The following UST variants were observed in gnomAD, a reference collection of about 807,000 sequenced individuals.
UST encodes chondroitin sulfate 2-O-sulfotransferase.
A neutral mutation model predicts 45.6 loss-of-function variants in UST; 21 were observed. The ratio of observed to expected loss-of-function variants is 0.46; its 90% CI spans 0.33 to 0.66. UST has a LOEUF of 0.66. UST is among the 30% of genes least tolerant of loss of function. The pLI is 0.02. For synonymous variants in UST, 215 were observed against 200.6 expected, an observed-to-expected ratio of 1.07 and a Z score of -0.61; for missense variants, 463 against 512.4, an observed-to-expected ratio of 0.90 and a Z score of 0.93.
At chr6:148,747,901 G>C (rs1166279793) in intron 1 of UST, among the ~76,000 whole-genome samples, 3 of 152,154 alleles carry the variant, frequency 2.0e-5, no homozygotes, top group African/African-American at 7.2e-5. Flanking sequence ...GGGTTGCGCT[G>C]CCGGCAGGTA....
At chr6:148,886,857 C>G in intron 1 of UST, 129 bp from the exon 2 acceptor site, 1 of 765,522 alleles carries the variant, frequency 1.3e-6, no homozygotes, top group Non-Finnish European at 2.3e-6. Flanking sequence ...ATTAATTCCC[C>G]ATTTTTCTTT....
At chr6:149,028,136 G>A (rs1004694708) in intron 7 of UST, among the ~76,000 whole-genome samples, 3 of 152,078 alleles carry the variant, frequency 2.0e-5, no homozygotes, top group African/African-American at 2.4e-5. Context: ...GATCCACCGC[G>A]CCCGGCCTAG....
At chr6:148,850,951 A>T (rs1354696888) in intron 1 of UST, among the ~76,000 whole-genome samples, 1 of 152,216 alleles carries the variant, frequency 6.6e-6, no homozygotes, top group Non-Finnish European at 1.5e-5. Context: ...AGAGCAAAGC[A>T]TCAGAACCCC....
At chr6:148,896,501 G>A (rs571647265) in intron 2 of UST, among the ~76,000 whole-genome samples, 45 of 152,290 alleles carry the variant, frequency 3.0e-4, no homozygotes, top group African/African-American at 9.6e-4. Flanking sequence ...AAGAACATGC[G>A]ATGTGGTAAA....
intron 7 of UST, among the ~76,000 whole-genome samples, chr6:149,059,256 G>A (rs947272837): frequency 6.6e-6 from 1 of 152,222 alleles, no homozygotes; most frequent in Non-Finnish European, 1.5e-5. Context: ...TGAGGGTGAG[G>A]TTGGGAGGCT....
At chr6:148,835,227 A>G (rs1777764707) in intron 1 of UST, among the ~76,000 whole-genome samples, 1 of 152,234 alleles carries the variant, frequency 6.6e-6, no homozygotes, top group African/African-American at 2.4e-5. Flanking sequence ...TGTATTTAGT[A>G]CTATAAGTAA....
At chr6:149,045,472 A>G (rs1225228972) in intron 7 of UST, among the ~76,000 whole-genome samples, 1 of 152,206 alleles carries the variant, frequency 6.6e-6, no homozygotes, top group African/African-American at 2.4e-5. Context: ...TTGAGCCCAG[A>G]TGATGTGCCC....
chr6:148,856,952 A>G (rs1246457943), intron 1 of UST, among the ~76,000 whole-genome samples: 1 of 149,234 alleles, frequency 6.7e-6, no homozygotes, highest in African/African-American at 2.4e-5. Context: ...TGTGATATAT[A>G]TATTACATTA....
chr6:148,872,453 C>T (rs1778576230), intron 1 of UST, among the ~76,000 whole-genome samples: 1 of 143,854 alleles, frequency 7.0e-6, no homozygotes, highest in Admixed American at 6.7e-5. Context: ...GAGTGATGAC[C>T]TCTCTTCGGA....
At chr6:148,824,740 A>C (rs1271690840) in intron 1 of UST, among the ~76,000 whole-genome samples, 1 of 139,878 alleles carries the variant, frequency 7.1e-6, no homozygotes, top group Non-Finnish European at 1.5e-5. Flanking sequence ...CAGGTTAGTT[A>C]CATATGTATA....
At chr6:148,815,073 A>G (rs566361724) in intron 1 of UST, among the ~76,000 whole-genome samples, 2 of 152,380 alleles carry the variant, frequency 1.3e-5, no homozygotes, top group African/African-American at 2.4e-5. Context: ...TATCCACACA[A>G]TGGAATACTA....
intron 7 of UST, among the ~76,000 whole-genome samples, chr6:149,067,793 A>G (rs1776763665): frequency 6.6e-6 from 1 of 152,192 alleles, no homozygotes; most frequent in Non-Finnish European, 1.5e-5. Context: ...GATGGAGTGC[A>G]CTGGGATTTT....
chr6:149,021,378 C>T lies in UST; in HGVS notation c.834C>T (p.Phe278=), dbSNP rs753420887. ...ERAKLNVNEN[F]LLVGILEELE... ...CAAAGCTGAACGTGAATGAAAACTT[C>T]CTGCTCGTGGGGATTCTTGAAGAGT... The change falls in exon 7 of 8, where the codon TTC becomes TTT. Residue 278 remains phenylalanine (F), a synonymous_variant. Coordinates refer to ENST00000367463, the MANE Select transcript of UST (RefSeq NM_005715.3). 3 of 1,614,042 alleles carry T rather than the reference C, an allele frequency of 1.9e-6. No individual in the cohort carries two copies. The highest frequency in any genetic ancestry group is 2.2e-5 in the East Asian group (1 of 44,900).
chr6:149,001,506 G>A (rs1781549525), intron 5 of UST, among the ~76,000 whole-genome samples: 1 of 152,180 alleles, frequency 6.6e-6, no homozygotes, highest in Non-Finnish European at 1.5e-5. Context: ...GACCAATGAA[G>A]GAATCATAGT....
At chr6:149,017,155 A>G (rs1482438831) in intron 5 of UST, among the ~76,000 whole-genome samples, 1 of 152,174 alleles carries the variant, frequency 6.6e-6, no homozygotes, top group Admixed American at 6.5e-5. Flanking sequence ...AGGCGGGCGG[A>G]TCATGAGGTC....
chr6:148,838,493 A>G (rs4897058), intron 1 of UST, among the ~76,000 whole-genome samples: 57,983 of 152,028 alleles, frequency 0.38, 11,274 homozygotes, highest in African/African-American at 0.45. Flanking sequence ...CAGGGCCTGA[A>G]ATTCTGCATT....
At chr6:149,066,500 C>T (rs1017740315) in intron 7 of UST, among the ~76,000 whole-genome samples, 1 of 151,858 alleles carries the variant, frequency 6.6e-6, no homozygotes, top group Non-Finnish European at 1.5e-5. Context: ...GGTGGGTAGA[C>T]AAATGAAGCA....
intron 1 of UST, among the ~76,000 whole-genome samples, chr6:148,767,689 T>C (rs1412962573): frequency 3.3e-5 from 5 of 152,194 alleles, no homozygotes; most frequent in Non-Finnish European, 1.5e-5. Context: ...TAAGAATTAA[T>C]TAAAACTGTT....
chr6:148,792,054 A>G (rs1390202279), intron 1 of UST, among the ~76,000 whole-genome samples: 1 of 152,146 alleles, frequency 6.6e-6, no homozygotes, highest in Non-Finnish European at 1.5e-5. Context: ...GGAAGCGGGG[A>G]AAGTGGGTCT....
Sources: gnomAD v4.1 joint callset for allele counts (sites outside exome capture counted in the v4.1 genomes callset) on GRCh38, gnomAD v4.1.1 for gene constraint, MANE v1.5 for transcripts, NCBI Gene and HGNC (gene_info 2026-07-23, HGNC 2026-07-21) for gene names.